The following ODF2 variants were observed in gnomAD, a reference collection of about 807,000 sequenced individuals.
ODF2 encodes outer dense fiber of sperm tails 2.
A neutral mutation model predicts 110.2 loss-of-function variants in ODF2; 47 were observed. The ratio of observed to expected loss-of-function variants is 0.43; its 90% CI spans 0.34 to 0.54. The LOEUF (loss-of-function observed/expected upper bound fraction) is 0.54, where lower values mean the gene tolerates loss of function less well. Among genes scored for constraint, ODF2 ranks in the 20% least tolerant of loss-of-function variants. The probability of loss-of-function intolerance (pLI) is 0.03; values close to 1 mark genes in which losing one functional copy is unlikely to be tolerated. For synonymous variants in ODF2, 352 were observed against 397.7 expected (o/e 0.89, Z 1.37); for missense variants, 812 against 1,054.5 (o/e 0.77, Z 3.19).
chr9:128,482,492 T>C (rs1842585610), intron 9 of ODF2, among the ~76,000 whole-genome samples: 1 of 152,170 alleles, frequency 6.6e-6, no homozygotes, highest in Non-Finnish European at 1.5e-5. Context: ...TTAACGGTGC[T>C]GAGCATATGA....
At chr9:128,455,331 C>A (rs1241463836), upstream of ODF2, 18 of 1,001,028 alleles carry the variant, frequency 1.8e-5, no homozygotes, top group Non-Finnish European at 2.7e-5. Flanking sequence ...GCGGGTGGAT[C>A]ATGAGGTCAG....
chr9:128,480,183 A>G (rs916656958), intron 8 of ODF2, among the ~76,000 whole-genome samples: 1 of 152,224 alleles, frequency 6.6e-6, no homozygotes, highest in African/African-American at 2.4e-5. Context: ...ATTTTACCAC[A>G]ATTTTTAAAA....
intron 11 of ODF2, 78 bp from the exon 12 acceptor site, chr9:128,484,623 C>T: frequency 6.8e-7 from 1 of 1,461,338 alleles, no homozygotes; most frequent in African/African-American, 1.4e-5. Context: ...CTCCCTTTCT[C>T]CTTCACCCTC....
chr9:128,471,136 ACTC>A (rs1839908768), intron 5 of ODF2, among the ~76,000 whole-genome samples, 169 bp from the exon 6 acceptor site: 2 of 151,902 alleles, frequency 1.3e-5, no homozygotes, highest in South Asian at 4.1e-4. Flanking sequence ...CTGGTCTCGA[ACTC>A]CTGACCAAAA....
At chr9:128,488,992 G>A (rs994943735) in intron 14 of ODF2, among the ~76,000 whole-genome samples, 1 of 152,198 alleles carries the variant, frequency 6.6e-6, no homozygotes, top group African/African-American at 2.4e-5. Context: ...GGGCAACAGA[G>A]CGAAACTCCG....
At chr9:128,458,052 T>C (rs958971509) in intron 2 of ODF2, among the ~76,000 whole-genome samples, 1 of 152,112 alleles carries the variant, frequency 6.6e-6, no homozygotes, top group African/African-American at 2.4e-5. Flanking sequence ...TTGCATTATT[T>C]TCCCCAAGTG....
chr9:128,458,509 C>G (rs1835545221), intron 2 of ODF2, among the ~76,000 whole-genome samples: 1 of 145,888 alleles, frequency 6.9e-6, no homozygotes, highest in Admixed American at 6.9e-5. Context: ...GATGGTTATT[C>G]CAAGGCCCTT....
At chr9:128,461,775 AAAAAAT>A (rs931640712) in intron 4 of ODF2, among the ~76,000 whole-genome samples, 4 of 152,222 alleles carry the variant, frequency 2.6e-5, no homozygotes, top group African/African-American at 9.6e-5. Flanking sequence ...TGAAAAGAAA[AAAAAAT>A]AGAAATGAAA....
intron 14 of ODF2, among the ~76,000 whole-genome samples, chr9:128,490,409 A>G (rs1282201185): frequency 1.3e-5 from 2 of 152,010 alleles, no homozygotes; most frequent in South Asian, 2.1e-4. Flanking sequence ...CAGCCTCCCA[A>G]GTAGCTGGGA....
chr9:128,492,821 C>T lies in ODF2; in HGVS notation c.1752+16C>T, dbSNP rs764617832. On this transcript the variant is annotated intron_variant, in intron 16 of 20. Coordinates refer to ENST00000604420, the Ensembl canonical transcript of ODF2. ...GATTGAGGCGGTACTGCTTTCCTTC[C>T]TTGTTTTCTTCTCCTACCCAATTCC... is the stretch of plus-strand genomic sequence containing the variant. The T allele has an allele frequency of 6.2e-6, 10 of 1,600,168 alleles. No homozygotes were observed. Among genetic ancestry groups the T allele is most frequent in the Non-Finnish European group, 8.6e-6 (10 of 1,167,694 alleles).
exon 9 of ODF2, chr9:128,481,620 A>T (rs1331709213): frequency 1.2e-6 from 2 of 1,613,944 alleles, no homozygotes; most frequent in Non-Finnish European, 1.7e-6. Flanking sequence ...GCACTGCTGA[A>T]ACGGCTGGCG....
chr9:128,471,620 GT>G, intron 6 of ODF2, 152 bp downstream of exon 6: 3 of 643,886 alleles, frequency 4.7e-6, no homozygotes, highest in Non-Finnish European at 5.3e-6. Context: ...ATTAATTACA[GT>G]TAATTACCTG....
rs1305783910 is a variant in ODF2, at chr9:128,473,829, T to C, written c.843+88T>C. The C allele has an allele frequency of 9.3e-6, 12 of 1,295,520 alleles. No individual in the cohort carries two copies. The East Asian group carries it at 1.9e-4, about 21-fold the overall frequency. 80.3% of individuals were successfully genotyped at this position (1,295,520 alleles called of 1,614,324 possible). The stretch of plus-strand genomic sequence containing the variant: ...CCTTGTCTGTAAAAAGAAAATAAGA[T>C]TGGTGCCCGACCTGAGAGGTCCTTA... On this transcript the variant is annotated intron_variant, in intron 8 of 20. Transcript: ENST00000604420.
At chr9:128,466,715 C>T (rs974825570) in intron 4 of ODF2, among the ~76,000 whole-genome samples, 70 of 149,610 alleles carry the variant, frequency 4.7e-4, no homozygotes, top group African/African-American at 1.6e-3. Context: ...TGGTGGCTCA[C>T]GCCTGTAATC....
At position 128,485,378 on chromosome 9, in the gene ODF2, C is replaced by A; in HGVS notation, c.1304C>A (p.Ala435Asp). The change falls in exon 13 of 21, where the codon GCT (alanine) becomes GAT (aspartate). Residue 435 changes from alanine (A) to aspartate (D), a missense_variant. Coordinates refer to ENST00000604420, the Ensembl canonical transcript of ODF2. The surrounding 1 kb of genome is among the most constrained non-coding windows in gnomAD (Gnocchi z 5.0). ...CCGTGTTCCCAGGATCTTTATGTCG[C>A]TGAAGCTTTATCCACTCTGGAATCC... The A allele has an allele frequency of 6.2e-7, 1 of 1,602,870 alleles. No homozygotes were observed. The highest frequency in any genetic ancestry group is 8.5e-7 in the Non-Finnish European group (1 of 1,170,556).
intron 18 of ODF2, 173 bp from the exon 19 acceptor site, chr9:128,498,240 C>T: frequency 7.3e-6 from 7 of 953,172 alleles, no homozygotes; most frequent in Non-Finnish European, 1.0e-5. Context: ...TCCAGCTGCA[C>T]AGTTCTTTGG....
intron 8 of ODF2, among the ~76,000 whole-genome samples, chr9:128,480,678 G>A (rs1159470040): frequency 5.9e-5 from 9 of 152,136 alleles, no homozygotes; most frequent in Admixed American, 4.6e-4. Context: ...TTAGCCGGGC[G>A]TGGTGGCAGT....
At chr9:128,456,313 G>A in intron 1 of ODF2, 58 bp downstream of exon 1, 1 of 1,485,666 alleles carries the variant, frequency 6.7e-7, no homozygotes, top group East Asian at 2.8e-5. Flanking sequence ...GGGCGAGACC[G>A]TCGCCTTCGC....
chr9:128,474,400 G>A (rs780949722), intron 8 of ODF2, among the ~76,000 whole-genome samples: 11 of 152,188 alleles, frequency 7.2e-5, no homozygotes, highest in Non-Finnish European at 1.3e-4. Context: ...GGTTGAGGCA[G>A]GAGAATTGCT....
Sources: allele counts gnomAD v4.1 joint callset (sites outside exome capture counted in the v4.1 genomes callset), GRCh38; gene constraint gnomAD v4.1.1; non-coding constraint Gnocchi (gnomAD v3.1); transcripts MANE v1.5; gene names NCBI Gene and HGNC (gene_info 2026-07-23, HGNC 2026-07-21).